Variants in NCALD observed in about 807,000 individuals in gnomAD.
NCALD encodes the protein neurocalcin delta.
Under a neutral mutation model 18.6 loss-of-function variants are expected in NCALD, and 10 were observed. The ratio of observed to expected loss-of-function variants is 0.54; its 90% CI spans 0.33 to 0.91. NCALD has a LOEUF of 0.91. NCALD is among the 40% of genes least tolerant of loss of function. NCALD has a pLI of 0.03. For synonymous variants in NCALD, 88 were observed against 87.4 expected, an observed-to-expected ratio of 1.01 and a Z score of -0.04; for missense variants, 184 against 247.6, an observed-to-expected ratio of 0.74 and a Z score of 1.72.
chr8:102,081,571 AAAAAAC>A (rs1563601175), intron 1 of NCALD, among the ~76,000 whole-genome samples: 22 of 91,962 alleles, frequency 2.4e-4, no homozygotes, highest in African/African-American at 1.3e-3. Context: ...AAAAAAAAAA[AAAAAAC>A]CCCAAAAAAA....
At chr8:101,801,662 T>C (rs1278634576) in intron 4 of NCALD, among the ~76,000 whole-genome samples, 5 of 92,330 alleles carry the variant, frequency 5.4e-5, no homozygotes, top group African/African-American at 3.0e-4. Context: ...TTTTTTTTTT[T>C]TTTTTTTTTT....
chr8:101,689,200 G>A lies in NCALD; in HGVS notation c.*109C>T. The A allele has an allele frequency of 1.0e-6, 1 of 996,130 alleles. No homozygotes were observed. Among genetic ancestry groups the A allele is most frequent in the South Asian group, 1.4e-5 (1 of 72,658 alleles). 61.7% of individuals were successfully genotyped at this position (996,130 alleles called of 1,614,324 possible). ...AGGAAGGCGCATCAGACCGCACAGG[G>A]GACGGCATCACCATTGATATTGTTT... On this transcript the variant is annotated 3_prime_UTR_variant, in exon 4 of 4. Transcript: ENST00000220931. This position sits in a 1 kb window ranked among gnomAD's most constrained non-coding sequence, Gnocchi z 4.4.
intron 1 of NCALD, among the ~76,000 whole-genome samples, chr8:101,784,589 G>C (rs968028524): frequency 5.9e-5 from 9 of 152,026 alleles, no homozygotes; most frequent in African/African-American, 2.2e-4. Flanking sequence ...TTGAGGACAG[G>C]AGTTCAAGAC....
intron 1 of NCALD, among the ~76,000 whole-genome samples, chr8:101,738,554 A>C (rs1382505662): frequency 2.3e-4 from 1 of 4,408 alleles, no homozygotes; most frequent in African/African-American, 7.2e-3. Context: ...CAAAAAAACA[A>C]AAAAAAAAAA....
At chr8:101,879,204 C>T (rs1439945522) in intron 4 of NCALD, among the ~76,000 whole-genome samples, 3 of 152,136 alleles carry the variant, frequency 2.0e-5, no homozygotes, top group Non-Finnish European at 4.4e-5. Context: ...GGTTCTTGGT[C>T]TCACTGACTT....
At position 102,060,774 on chromosome 8, in the gene NCALD, C is replaced by CA. The variant is rs1040928863; in HGVS notation, c.-209-40486dup. Among the ~76,000 whole-genome samples, 236 of 145,754 alleles carry CA rather than the reference C, an allele frequency of 1.6e-3. 1 individual carries two copies. The highest frequency in any genetic ancestry group is 4.9e-3 in the African/African-American group (197 of 39,868). On this transcript the variant is annotated intron_variant, in intron 1 of 6. Coordinates refer to the NCALD transcript ENST00000311028. ...ACTTCAGGCTTTAACTCAATCAGACCAAAAAAAAAAATTCACTTCTTCACC... is the reference window on the plus strand; with the variant it reads ...ACTTCAGGCTTTAACTCAATCAGACCAAAAAAAAAAAATTCACTTCTTCACC...
intron 3 of NCALD, chr8:101,690,457 G>A (rs750560736): frequency 1.0e-6 from 1 of 985,350 alleles, no homozygotes; most frequent in African/African-American, 1.7e-5. Flanking sequence ...CTGCACGCCT[G>A]TGGGTTTTTC....
chr8:102,008,792 T>C (rs1341787825), intron 2 of NCALD, among the ~76,000 whole-genome samples: 2 of 152,178 alleles, frequency 1.3e-5, no homozygotes, highest in African/African-American at 2.4e-5. Flanking sequence ...ACTGCTTCTT[T>C]GGGTCTTCAT....
intron 1 of NCALD, among the ~76,000 whole-genome samples, chr8:101,773,472 C>T (rs987424069): frequency 6.6e-6 from 1 of 152,198 alleles, no homozygotes; most frequent in Non-Finnish European, 1.5e-5. Flanking sequence ...TGCAGGGGCT[C>T]TAATAGTAGG....
chr8:101,952,217 G>A (rs762637730), intron 2 of NCALD, among the ~76,000 whole-genome samples: 10 of 152,088 alleles, frequency 6.6e-5, no homozygotes, highest in South Asian at 4.1e-4. Flanking sequence ...TCTTGTCCAC[G>A]CAAAGAATGC....
At chr8:101,743,477 G>A (rs1810299117) in intron 1 of NCALD, among the ~76,000 whole-genome samples, 1 of 152,250 alleles carries the variant, frequency 6.6e-6, no homozygotes, top group African/African-American at 2.4e-5. Context: ...GGGTTAAGGA[G>A]CAATTAGAAT....
chr8:101,995,187 C>A (rs903085845), intron 2 of NCALD, among the ~76,000 whole-genome samples: 1 of 152,170 alleles, frequency 6.6e-6, no homozygotes, highest in African/African-American at 2.4e-5. Flanking sequence ...GAAGGGAAAG[C>A]CAATTCAGCT....
chr8:102,072,841 T>G (rs1824221195), intron 1 of NCALD, among the ~76,000 whole-genome samples: 2 of 152,180 alleles, frequency 1.3e-5, no homozygotes, highest in Non-Finnish European at 1.5e-5. Flanking sequence ...TATATTTTTC[T>G]GGCAAGGGTT....
At chr8:102,032,232 A>G (rs906132518) in intron 1 of NCALD, among the ~76,000 whole-genome samples, 1 of 152,184 alleles carries the variant, frequency 6.6e-6, no homozygotes, top group African/African-American at 2.4e-5. Context: ...CAAGTAAGCC[A>G]TATGATTTGA....
At chr8:101,958,601 T>A (rs1050264263) in intron 2 of NCALD, among the ~76,000 whole-genome samples, 2 of 152,174 alleles carry the variant, frequency 1.3e-5, no homozygotes, top group African/African-American at 4.8e-5. Context: ...AGGGTCTTTG[T>A]GTGATTGTCT....
intron 1 of NCALD, among the ~76,000 whole-genome samples, chr8:101,780,138 A>T (rs1686609971): frequency 6.6e-6 from 1 of 152,160 alleles, no homozygotes; most frequent in Non-Finnish European, 1.5e-5. Flanking sequence ...TTGATTCTAT[A>T]CTTAAGTTAT....
At chr8:101,863,224 AG>A (rs762876787) in intron 4 of NCALD, among the ~76,000 whole-genome samples, 31 of 152,262 alleles carry the variant, frequency 2.0e-4, no homozygotes, top group Admixed American at 9.2e-4. Flanking sequence ...TGTGGTATAG[AG>A]GAAGATTGGA....
At chr8:101,827,855 G>A (rs1814003992) in intron 4 of NCALD, among the ~76,000 whole-genome samples, 1 of 152,052 alleles carries the variant, frequency 6.6e-6, no homozygotes, top group Non-Finnish European at 1.5e-5. Context: ...TACCTCAATT[G>A]CCTTTGTAGA....
chr8:101,920,281 T>G (rs1818116865), intron 2 of NCALD, among the ~76,000 whole-genome samples: 1 of 152,048 alleles, frequency 6.6e-6, no homozygotes, highest in South Asian at 2.1e-4. Flanking sequence ...GAAAACAGTT[T>G]GGAGATTTCT....
Sources: allele counts gnomAD v4.1 joint callset (sites outside exome capture counted in the v4.1 genomes callset), GRCh38; gene constraint gnomAD v4.1.1; non-coding constraint Gnocchi (gnomAD v3.1); transcripts MANE v1.5; gene names NCBI Gene and HGNC (gene_info 2026-07-23, HGNC 2026-07-21).